The following LPP variants were observed in gnomAD, a reference collection of about 807,000 sequenced individuals.
LPP encodes lipoma-preferred partner.
A neutral mutation model predicts 60.4 loss-of-function variants in LPP; 38 were observed. The observed-to-expected ratio is 0.63, with a 90% CI of 0.49 to 0.83. The LOEUF is 0.83. Among genes scored for constraint, LPP ranks in the 40% least tolerant of loss-of-function variants. The pLI is 0.00. For missense variants in LPP, 902 were observed against 783.6 expected, an observed-to-expected ratio of 1.15 and a Z score of -1.80; for synonymous variants, 328 against 290.8, an observed-to-expected ratio of 1.13 and a Z score of -1.30.
At position 188,440,547 on chromosome 3, in the gene LPP, G is replaced by A. The variant is rs151085699; in HGVS notation, c.193+34234G>A. On this transcript the variant is annotated intron_variant, in intron 4 of 11. Coordinates refer to ENST00000617246, the MANE Select transcript of LPP (RefSeq NM_001375462.1). Reference sequence around the variant, plus strand: ...AAACCAGATGTAAATATGCTGCTTCGGTTATTTACATCTGACATTCTTGCA... The same window carrying A: ...AAACCAGATGTAAATATGCTGCTTCAGTTATTTACATCTGACATTCTTGCA... 2.0e-3 allele frequency among the ~76,000 whole-genome samples: 305 copies of A among 152,154 alleles called. 2 individuals carry two copies. Among genetic ancestry groups the A allele is most frequent in the African/African-American group, 6.8e-3 (284 of 41,504 alleles).
intron 8 of LPP, among the ~76,000 whole-genome samples, chr3:188,757,889 G>GTTTTTTGTTTTTTTTTT (rs1553833771): frequency 9.8e-4 from 77 of 78,674 alleles, no homozygotes; most frequent in Non-Finnish European, 1.2e-3. Context: ...TGTTTTTTTG[G>GTTTTTTGTTTTTTTTTT]TTTTTTTTTT....
chr3:188,207,601 A>G (rs1449523045), intron 1 of LPP, among the ~76,000 whole-genome samples: 5 of 148,042 alleles, frequency 3.4e-5, no homozygotes, highest in African/African-American at 1.2e-4. Flanking sequence ...TGGGGTTCAA[A>G]TCTTTCTTTT....
At chr3:188,455,544 G>A (rs1417598763) in intron 4 of LPP, among the ~76,000 whole-genome samples, 1 of 152,186 alleles carries the variant, frequency 6.6e-6, no homozygotes, top group Non-Finnish European at 1.5e-5. Flanking sequence ...TTGAGTCAGT[G>A]CTATTTTATC....
chr3:188,257,350 C>T (rs1731999172), intron 2 of LPP, among the ~76,000 whole-genome samples: 1 of 152,184 alleles, frequency 6.6e-6, no homozygotes, highest in Non-Finnish European at 1.5e-5. Context: ...TTTACCTGCA[C>T]AGTGAGGGTG....
intron 2 of LPP, among the ~76,000 whole-genome samples, chr3:188,271,214 G>A (rs1020053412): frequency 6.6e-6 from 1 of 152,154 alleles, no homozygotes; most frequent in Non-Finnish European, 1.5e-5. Flanking sequence ...TCTTGCTCGG[G>A]GTAGAGAAGA....
chr3:188,701,944 C>CTTTTTTTTTTTTT (rs35803152), intron 7 of LPP, among the ~76,000 whole-genome samples: 7 of 83,550 alleles, frequency 8.4e-5, no homozygotes, highest in East Asian at 4.1e-4. Context: ...GTTTTTTTCC[C>CTTTTTTTTTTTTT]TTTTTTTTTT....
At chr3:188,405,975 C>G (rs1578655389) in intron 3 of LPP, 137 bp from the exon 4 acceptor site, 3 of 649,120 alleles carry the variant, frequency 4.6e-6, no homozygotes, top group Non-Finnish European at 5.1e-6. Flanking sequence ...TTCTTTCTTC[C>G]ATTTTCTTTC....
intron 8 of LPP, among the ~76,000 whole-genome samples, chr3:188,742,696 A>T (rs551384824): frequency 6.6e-6 from 1 of 152,234 alleles, no homozygotes; most frequent in East Asian, 1.9e-4. Context: ...ACAAATAGGG[A>T]ACTTTTTGGG....
At chr3:188,203,511 A>AAATATATATATATT (rs1731975097) in intron 1 of LPP, among the ~76,000 whole-genome samples, 7 of 54,248 alleles carry the variant, frequency 1.3e-4, no homozygotes, top group African/African-American at 4.2e-4. Flanking sequence ...AAATATATAT[A>AAATATATATATATT]TTTAAATATA....
At chr3:188,656,513 C>T (rs1199419882) in intron 7 of LPP, among the ~76,000 whole-genome samples, 1 of 152,166 alleles carries the variant, frequency 6.6e-6, no homozygotes. Context: ...TGGAAAAAAC[C>T]AGCAACAACC....
chr3:188,207,212 C>CTT (rs5855184), intron 1 of LPP, among the ~76,000 whole-genome samples: 2 of 129,332 alleles, frequency 1.5e-5, no homozygotes, highest in Non-Finnish European at 3.2e-5. Context: ...TACACATTTT[C>CTT]TTTTTTTTTT....
intron 3 of LPP, among the ~76,000 whole-genome samples, chr3:188,344,063 C>G (rs1197061444): frequency 1.3e-5 from 2 of 152,202 alleles, no homozygotes; most frequent in Non-Finnish European, 2.9e-5. Flanking sequence ...ACCCTGTTTA[C>G]TATTTAGAGC....
intron 4 of LPP, among the ~76,000 whole-genome samples, chr3:188,413,127 T>C (rs538464920): frequency 6.6e-6 from 1 of 152,278 alleles, no homozygotes; most frequent in South Asian, 2.1e-4. Context: ...TTTGTTTTCT[T>C]AGCAGATAAC....
At chr3:188,375,508 G>GGT (rs1774752608) in intron 3 of LPP, among the ~76,000 whole-genome samples, 2 of 152,162 alleles carry the variant, frequency 1.3e-5, no homozygotes, top group Admixed American at 1.3e-4. Flanking sequence ...GGTGTTTGTA[G>GGT]TACTCTCTGA....
intron 9 of LPP, among the ~76,000 whole-genome samples, chr3:188,854,445 C>T (rs1312072389): frequency 2.7e-5 from 4 of 150,092 alleles, no homozygotes; most frequent in African/African-American, 7.2e-5. Context: ...GTGCCCTCTT[C>T]GGAAGGGAAC....
intron 4 of LPP, among the ~76,000 whole-genome samples, chr3:188,481,233 T>C (rs1804682844): frequency 6.6e-6 from 1 of 152,218 alleles, no homozygotes; most frequent in Non-Finnish European, 1.5e-5. Context: ...TTTATCAGAT[T>C]TGTATCTGTT....
intron 7 of LPP, among the ~76,000 whole-genome samples, chr3:188,684,126 T>A (rs1860144324): frequency 6.6e-6 from 1 of 152,272 alleles, no homozygotes; most frequent in Non-Finnish European, 1.5e-5. Context: ...CTTACTGCAC[T>A]GAGTTGATAT....
chr3:188,517,916 TTC>T (rs752497694), intron 5 of LPP, among the ~76,000 whole-genome samples: 4 of 152,094 alleles, frequency 2.6e-5, no homozygotes, highest in Non-Finnish European at 5.9e-5. Flanking sequence ...ACAGAGTGAA[TTC>T]TCTGTTAGTT....
intron 6 of LPP, 129 bp downstream of exon 6, chr3:188,524,916 C>CG (rs1820105831): frequency 1.6e-6 from 1 of 616,372 alleles, no homozygotes; most frequent in Non-Finnish European, 2.6e-6. Context: ...TCCTTCCTTC[C>CG]TTCCTTCCTT....
Sources: gnomAD v4.1 joint callset for allele counts (sites outside exome capture counted in the v4.1 genomes callset) on GRCh38, gnomAD v4.1.1 for gene constraint, MANE v1.5 for transcripts, NCBI Gene and HGNC (gene_info 2026-07-23, HGNC 2026-07-21) for gene names.